The following COL5A1 variants were observed in gnomAD, a reference collection of about 807,000 sequenced individuals.
COL5A1 encodes the protein collagen alpha-1(V) chain.
COL5A1 carries 16 observed loss-of-function variants against 263.7 expected under a neutral mutation model. The ratio of observed to expected loss-of-function variants is 0.06; its 90% CI spans 0.04 to 0.09. The LOEUF is 0.09. Ranked by LOEUF, COL5A1 falls within the 10% of genes least tolerant of loss-of-function variation. COL5A1 has a pLI of 1.00. For synonymous variants in COL5A1, 1,012 were observed against 1,004.5 expected (o/e 1.01, Z -0.14); for missense variants, 2,036 against 2,540.5 (o/e 0.80, Z 4.27).
chr9:134,828,725 T>G (rs2132900404), intron 63 of COL5A1, among the ~76,000 whole-genome samples: 1 of 4,696 alleles, frequency 2.1e-4, no homozygotes, highest in South Asian at 5.4e-3. Flanking sequence ...GCACCACACA[T>G]CAGACACACA....
chr9:134,834,015 C>A (rs1167576053), intron 64 of COL5A1, among the ~76,000 whole-genome samples: 1 of 152,118 alleles, frequency 6.6e-6, no homozygotes, highest in Non-Finnish European at 1.5e-5. Context: ...AGTGGGGGCA[C>A]CTCCTGCCAG....
At chr9:134,800,563 G>C (rs950368840) in intron 37 of COL5A1, among the ~76,000 whole-genome samples, 1 of 152,024 alleles carries the variant, frequency 6.6e-6, no homozygotes, top group African/African-American at 2.4e-5. Context: ...CGGCCAACAT[G>C]GTGAAACCCC....
At chr9:134,715,054 C>A (rs1287485326) in intron 4 of COL5A1, among the ~76,000 whole-genome samples, 2 of 152,000 alleles carry the variant, frequency 1.3e-5, no homozygotes, top group African/African-American at 2.4e-5. Flanking sequence ...AGGGGACCAG[C>A]GCTCAGCATA....
chr9:134,729,081 C>G (rs1018863624), intron 6 of COL5A1, among the ~76,000 whole-genome samples: 6 of 152,232 alleles, frequency 3.9e-5, no homozygotes, highest in African/African-American at 1.4e-4. Flanking sequence ...GGTCCCCACC[C>G]TGTACGAGGC....
chr9:134,652,128 A>G lies in COL5A1; in HGVS notation c.109+9832A>G, dbSNP rs528698129. The stretch of plus-strand genomic sequence containing the variant: ...TGAAGGGCGTTCTCGAGGGAAGGGT[A>G]GGGAACGATTTCTGACTGCGATTGT... On this transcript the variant is annotated intron_variant, in intron 1 of 65. Coordinates refer to ENST00000371817, the MANE Select transcript of COL5A1 (RefSeq NM_000093.5). The surrounding 1 kb of genome is among the most constrained non-coding windows in gnomAD (Gnocchi z 4.4). Among the ~76,000 whole-genome samples, 6 of 152,156 alleles carry G rather than the reference A, an allele frequency of 3.9e-5. No individual in the cohort carries two copies. The highest frequency in any genetic ancestry group is 8.8e-5 in the Non-Finnish European group (6 of 68,032).
intron 30 of COL5A1, 33 bp downstream of exon 30, chr9:134,785,129 G>A (rs766887667): frequency 8.3e-6 from 13 of 1,565,364 alleles, no homozygotes; most frequent in South Asian, 1.1e-5. Context: ...CCACTTTCTT[G>A]GGAGGGATCT....
rs568184512 is a variant in COL5A1 at position 134,819,295 on chromosome 9, C to A, written c.4446+242C>A. ...ATCCCGGAGGCCCCTGCGGTATTGA[C>A]GGAGAACCTTCCAGCTAGGCACAGA... is the stretch of plus-strand genomic sequence containing the variant. On this transcript the variant is annotated intron_variant, in intron 57 of 65. Coordinates refer to ENST00000371817, the MANE Select transcript of COL5A1 (RefSeq NM_000093.5). Among the ~76,000 whole-genome samples the A allele has an allele frequency of 5.3e-5, 8 of 152,356 alleles. No homozygotes were observed. The South Asian group carries it at 6.2e-4, about 12-fold the overall frequency.
chr9:134,815,698 C>A (rs1051401224), intron 51 of COL5A1, 69 bp downstream of exon 51: 3 of 1,535,250 alleles, frequency 2.0e-6, no homozygotes, highest in African/African-American at 2.7e-5. Context: ...AGCCCCATTT[C>A]CCCTCTTTCT....
At chr9:134,828,529 C>T (rs1839393569) in intron 63 of COL5A1, among the ~76,000 whole-genome samples, 1 of 151,454 alleles carries the variant, frequency 6.6e-6, no homozygotes, top group Non-Finnish European at 1.5e-5. Context: ...ACACGATACA[C>T]ATACCACACA....
chr9:134,735,470 T>TGGGTGGGCC (rs1234296991), intron 9 of COL5A1, among the ~76,000 whole-genome samples: 4 of 141,094 alleles, frequency 2.8e-5, no homozygotes, highest in Non-Finnish European at 4.7e-5. Flanking sequence ...CGTCCGTGGT[T>TGGGTGGGCC]GGGTGGGCCG....
chr9:134,799,919 A>G (rs1213722217), intron 37 of COL5A1, among the ~76,000 whole-genome samples: 3 of 152,226 alleles, frequency 2.0e-5, no homozygotes, highest in Admixed American at 6.5e-5. Context: ...CTCTGCTCAG[A>G]AAGTTGCACA....
intron 14 of COL5A1, among the ~76,000 whole-genome samples, 160 bp from the exon 15 acceptor site, chr9:134,753,690 C>G (rs1447980658): frequency 6.6e-6 from 1 of 152,156 alleles, no homozygotes; most frequent in African/African-American, 2.4e-5. Context: ...TCGTTCTTCC[C>G]CCCGGTTCTG....
intron 1 of COL5A1, among the ~76,000 whole-genome samples, chr9:134,690,600 G>A (rs1053618689): frequency 6.6e-5 from 10 of 152,172 alleles, no homozygotes; most frequent in South Asian, 2.1e-4. Flanking sequence ...GGAGGGCGTC[G>A]TCAGAGCTGG....
At chr9:134,793,195 C>G (rs1283304371) in intron 32 of COL5A1, among the ~76,000 whole-genome samples, 2 of 151,770 alleles carry the variant, frequency 1.3e-5, no homozygotes, top group African/African-American at 4.8e-5. Context: ...AAGACCCGCT[C>G]TTCAGATGCA....
intron 1 of COL5A1, among the ~76,000 whole-genome samples, chr9:134,654,798 C>T (rs1278458845): frequency 1.1e-5 from 1 of 94,540 alleles, no homozygotes. Flanking sequence ...GTGTAGACCT[C>T]GTGTGTGTTT....
chr9:134,645,107 G>A (rs1831432326), intron 1 of COL5A1, among the ~76,000 whole-genome samples: 1 of 152,172 alleles, frequency 6.6e-6, no homozygotes, highest in Admixed American at 6.5e-5. Flanking sequence ...CCAGGGCTGT[G>A]CCCACCCAGC....
chr9:134,668,104 C>G (rs958046842), intron 1 of COL5A1, among the ~76,000 whole-genome samples: 6 of 152,204 alleles, frequency 3.9e-5, no homozygotes, highest in Non-Finnish European at 8.8e-5. Context: ...AGTGTGGTCC[C>G]TGCTCTCGAG....
chr9:134,654,561 G>T (rs1831855630), intron 1 of COL5A1, among the ~76,000 whole-genome samples: 1 of 120,810 alleles, frequency 8.3e-6, no homozygotes, highest in Non-Finnish European at 1.7e-5. Flanking sequence ...GTGTAGGGCT[G>T]GGTGTGTGTA....
rs1387689318 is a variant in COL5A1, at chr9:134,686,542, G to A, written c.110-4370G>A. The stretch of plus-strand genomic sequence containing the variant: ...GCTGGGATTCCAGTCCTGAGCCACC[G>A]CGCCTGGCCATCAAATTCTTTTCAG... On this transcript the variant is annotated intron_variant, in intron 1 of 65. Transcript: ENST00000371817. The surrounding 1 kb of genome is among the most constrained non-coding windows in gnomAD (Gnocchi z 4.6). Among the ~76,000 whole-genome samples the A allele has an allele frequency of 2.0e-5, 3 of 152,132 alleles. No individual in the cohort carries two copies. The highest frequency in any genetic ancestry group is 6.5e-5 in the Admixed American group (1 of 15,276).
Sources: gnomAD v4.1 joint callset for allele counts (sites outside exome capture counted in the v4.1 genomes callset) on GRCh38, gnomAD v4.1.1 for gene constraint, Gnocchi (gnomAD v3.1) non-coding constraint, MANE v1.5 for transcripts, NCBI Gene and HGNC (gene_info 2026-07-23, HGNC 2026-07-21) for gene names.